Variants in CAMKK2 observed in about 807,000 individuals in gnomAD.
CAMKK2 encodes calcium/calmodulin-dependent protein kinase kinase 2.
A neutral mutation model predicts 67.2 loss-of-function variants in CAMKK2; 30 were observed. The ratio of observed to expected loss-of-function variants is 0.45; its 90% CI spans 0.33 to 0.61. The LOEUF (loss-of-function observed/expected upper bound fraction) is 0.61, where lower values mean the gene tolerates loss of function less well. Ranked by LOEUF, CAMKK2 falls within the 20% of genes least tolerant of loss-of-function variation. The pLI, the probability that CAMKK2 is intolerant of heterozygous loss-of-function variation, is 0.02. For synonymous variants in CAMKK2, 322 were observed against 326.2 expected (o/e 0.99, Z 0.14); for missense variants, 643 against 802.0 (o/e 0.80, Z 2.39).
At chr12:121,267,798 G>A (rs1894924651) in intron 5 of CAMKK2, among the ~76,000 whole-genome samples, 1 of 151,782 alleles carries the variant, frequency 6.6e-6, no homozygotes, top group Non-Finnish European at 1.5e-5. Flanking sequence ...CCGGCCAACT[G>A]CAGAATATTT....
chr12:121,258,022 CTTTTT>C (rs5801429), intron 7 of CAMKK2, among the ~76,000 whole-genome samples: 1 of 120,094 alleles, frequency 8.3e-6, no homozygotes, highest in Non-Finnish European at 1.7e-5. Context: ...GAGTTTTCTA[CTTTTT>C]TTTTTTTTTT....
chr12:121,295,158 T>TC (rs1244539444), intron 1 of CAMKK2, among the ~76,000 whole-genome samples: 1 of 152,154 alleles, frequency 6.6e-6, no homozygotes, highest in East Asian at 1.9e-4. Context: ...CAACAGAGAC[T>TC]CCGTCTCAAA....
chr12:121,253,448 C>T lies in CAMKK2; in HGVS notation c.932G>A (p.Arg311His), dbSNP rs199889163. The T allele has an allele frequency of 9.9e-6, 16 of 1,613,992 alleles. No individual in the cohort carries two copies. Among genetic ancestry groups the T allele is most frequent in the South Asian group, 2.2e-5 (2 of 91,082 alleles). Residue 311 changes from arginine (R) to histidine (H), a missense_variant, in exon 10 of 17, where the codon CGT (arginine) becomes CAT (histidine). This residue lies in a region of CAMKK2 where 483 missense variants were observed against 625.8 expected (regional missense o/e 0.77). Coordinates refer to ENST00000404169, the MANE Select transcript of CAMKK2 (RefSeq NM_001270485.2). This position sits in a 1 kb window ranked among gnomAD's most constrained non-coding sequence, Gnocchi z 5.0. ...CAGGAGGTTGGAAGGTTTGATGTCA[C>T]GGTGGATGATCTTCTGGTAGTGTAC... ...EYLHYQKIIH[R>H]DIKPSNLLVG...
chr12:121,276,342 C>T (rs1896808308), intron 1 of CAMKK2, among the ~76,000 whole-genome samples: 1 of 151,654 alleles, frequency 6.6e-6, no homozygotes, highest in Non-Finnish European at 1.5e-5. Context: ...GTGGTGGGCA[C>T]CTGTAATCCC....
Position 121,252,600 on chromosome 12 carries a change from G to A in CAMKK2, c.1161+61C>T, listed in dbSNP as rs1004276451. ...AAGTAAGTACTGTCTCCCCGCAAGG[G>A]TGACTATTAACCCAGGGGCCACCCA... On this transcript the variant is annotated intron_variant, in intron 11 of 16. Transcript: ENST00000404169. The A allele has an allele frequency of 3.4e-6, 5 of 1,488,814 alleles. No homozygotes were observed. The African/African-American group carries it at 4.1e-5, about 12-fold the overall frequency. 92.2% of individuals were successfully genotyped at this position (1,488,814 alleles called of 1,614,324 possible).
upstream of CAMKK2, among the ~76,000 whole-genome samples, chr12:121,296,913 G>A (rs1436613948): frequency 1.3e-5 from 2 of 151,498 alleles, no homozygotes; most frequent in East Asian, 3.9e-4. This position sits in a 1 kb window ranked among gnomAD's most constrained non-coding sequence, Gnocchi z 7.1. Flanking sequence ...GCCCTGCGCC[G>A]GGGAGGGGTG....
At chr12:121,277,834 T>G (rs1484641677) in intron 1 of CAMKK2, among the ~76,000 whole-genome samples, 1 of 151,982 alleles carries the variant, frequency 6.6e-6, no homozygotes, top group East Asian at 1.9e-4. Context: ...AGGCGTGGTG[T>G]TGGGCACCTG....
intron 9 of CAMKK2, among the ~76,000 whole-genome samples, chr12:121,254,201 G>A (rs1891377395): frequency 6.6e-6 from 1 of 152,170 alleles, no homozygotes; most frequent in African/African-American, 2.4e-5. Flanking sequence ...GCTCACGCCT[G>A]TCATCCCAGC....
intron 7 of CAMKK2, among the ~76,000 whole-genome samples, chr12:121,258,808 C>T (rs1033622794): frequency 6.6e-6 from 1 of 151,972 alleles, no homozygotes; most frequent in Admixed American, 6.6e-5. Context: ...CTCAAACCCC[C>T]CAATGGCTTC....
At chr12:121,283,264 G>C (rs1898136733) in intron 1 of CAMKK2, among the ~76,000 whole-genome samples, 2 of 152,132 alleles carry the variant, frequency 1.3e-5, no homozygotes, top group Non-Finnish European at 2.9e-5. Flanking sequence ...TCAGACCCAG[G>C]GCCCTAGCCC....
Position 121,268,083 on chromosome 12 carries a change from CATATAT to C in CAMKK2, c.625+549_625+554del, listed in dbSNP as rs71850101. ...TGGCTGAATAATATTCCATTGGATGCATATATATATATATATACTCTATTCATATTA... is the reference window on the plus strand; with the variant it reads ...TGGCTGAATAATATTCCATTGGATGCATATATATATACTCTATTCATATTA... On this transcript the variant is annotated intron_variant, in intron 5 of 16. Coordinates refer to ENST00000404169, the MANE Select transcript of CAMKK2 (RefSeq NM_001270485.2). Among the ~76,000 whole-genome samples, 10 of 97,020 alleles carry C rather than the reference CATATAT, an allele frequency of 1.0e-4. No homozygotes were observed. The South Asian group carries it at 1.2e-3, about 12-fold the overall frequency. The allele number at this position is 97,020 out of a possible 152,430, so 63.6% of individuals were successfully genotyped here.
upstream of CAMKK2, chr12:121,296,874 A>G (rs925564979): frequency 2.0e-5 from 3 of 148,582 alleles, no homozygotes; most frequent in African/African-American, 7.5e-5. The surrounding 1 kb of genome is among the most constrained non-coding windows in gnomAD (Gnocchi z 7.1). Flanking sequence ...CCCGCCGCGC[A>G]CCGCCCCCTG....
At position 121,268,649 on chromosome 12, in the gene CAMKK2, G is replaced by A; in HGVS notation, c.614C>T (p.Ala205Val). 6.2e-7 allele frequency: 1 copy of A among 1,614,056 alleles called. No individual in the cohort carries two copies. Among genetic ancestry groups the A allele is most frequent in the Non-Finnish European group, 8.5e-7 (1 of 1,179,926 alleles). ...CCCGCCAAACTCACGTGGAAAGCCG[G>A]CCTGCCGGATCAGCTTCTTTTTGGA... ...VLSKKKLIRQ[A>V]GFPRRPPPRG... The change falls in exon 5 of 17, where the codon GCC becomes GTC. Residue 205 changes from alanine to valine, a missense_variant. This residue lies in a region of CAMKK2 where 483 missense variants were observed against 625.8 expected (regional missense o/e 0.77). Coordinates refer to ENST00000404169, the MANE Select transcript of CAMKK2 (RefSeq NM_001270485.2).
intron 4 of CAMKK2, 95 bp downstream of exon 4, chr12:121,269,433 C>A: frequency 1.1e-6 from 1 of 946,964 alleles, no homozygotes; most frequent in South Asian, 1.4e-5. Flanking sequence ...TAAAATGAGA[C>A]AACAGCTAGG....
In CAMKK2 at chr12:121,240,815, C is replaced by G; in HGVS notation, c.1651G>C (p.Gly551Arg). ...PGHRPAPRGG[G>R]GSALVRGSPC... Reference sequence around the variant, plus strand: ...CTGCCTCTCACAAGAGCACTTCCTCCTCCCCCACGGGGGGCGGGTCGGTGC... The same window carrying G: ...CTGCCTCTCACAAGAGCACTTCCTCGTCCCCCACGGGGGGCGGGTCGGTGC... The change falls in exon 17 of 17, where the codon GGA becomes CGA. Residue 551 changes from glycine (G) to arginine (R), a missense_variant. By Grantham distance (125) the Gly-to-Arg change is moderately radical. Coordinates refer to ENST00000404169, the MANE Select transcript of CAMKK2 (RefSeq NM_001270485.2). The surrounding 1 kb of genome is among the most constrained non-coding windows in gnomAD (Gnocchi z 4.4). The G allele has an allele frequency of 1.2e-6, 2 of 1,611,876 alleles. No homozygotes were observed. Among genetic ancestry groups the G allele is most frequent in the African/African-American group, 2.7e-5 (2 of 74,988 alleles).
chr12:121,240,926 G>C lies in CAMKK2; in HGVS notation c.1597-57C>G. The stretch of plus-strand genomic sequence containing the variant: ...CTCTGAGAAATGCCAGCGAGGCCCT[G>C]AGCCAGCTGCTCCCACATCTGGGCC... On this transcript the variant is annotated intron_variant, in intron 16 of 16. Transcript: ENST00000404169. This position sits in a 1 kb window ranked among gnomAD's most constrained non-coding sequence, Gnocchi z 4.4. 1 of 1,579,862 alleles carries C rather than the reference G, an allele frequency of 6.3e-7. No homozygotes were observed. The highest frequency in any genetic ancestry group is 8.6e-7 in the Non-Finnish European group (1 of 1,161,158).
At chr12:121,272,052 G>A (rs1895885078) in intron 2 of CAMKK2, among the ~76,000 whole-genome samples, 1 of 151,764 alleles carries the variant, frequency 6.6e-6, no homozygotes, top group Non-Finnish European at 1.5e-5. Context: ...TGTTGCCCAG[G>A]CTGGTCTCAA....
In CAMKK2 at chr12:121,253,569, C is replaced by T; in HGVS notation, c.908-97G>A. 1.0e-6 allele frequency: 1 copy of T among 997,020 alleles called. No individual in the cohort carries two copies. Among genetic ancestry groups the T allele is most frequent in the Non-Finnish European group, 1.6e-6 (1 of 633,888 alleles). 61.8% of individuals were successfully genotyped at this position (997,020 alleles called of 1,614,324 possible). On this transcript the variant is annotated intron_variant, in intron 9 of 16. Transcript: ENST00000404169. This position sits in a 1 kb window ranked among gnomAD's most constrained non-coding sequence, Gnocchi z 5.0. The stretch of plus-strand genomic sequence containing the variant: ...GGCCTGGAGACACAGGCATGGCACC[C>T]CTCTGATGCCTTGTCTCCCACAGCC...
At chr12:121,280,999 C>T (rs139526683) in intron 1 of CAMKK2, among the ~76,000 whole-genome samples, 152 of 147,350 alleles carry the variant, frequency 1.0e-3, no homozygotes, top group Middle Eastern at 3.4e-3. Context: ...CGCACACTCC[C>T]TCCCCTTTTG....
Sources: allele counts gnomAD v4.1 joint callset (sites outside exome capture counted in the v4.1 genomes callset), GRCh38; gene constraint gnomAD v4.1.1; regional missense constraint gnomAD v4.1.1; non-coding constraint Gnocchi (gnomAD v3.1); transcripts MANE v1.5; gene names NCBI Gene and HGNC (gene_info 2026-07-23, HGNC 2026-07-21).